CTNNA2: variants seen among roughly 807,000 people sequenced by gnomAD.
CTNNA2 encodes the protein catenin alpha 2.
CTNNA2 carries 42 observed loss-of-function variants against 101.0 expected under a neutral mutation model. That is an observed-to-expected ratio of 0.42 (90% CI 0.32 to 0.54). The LOEUF is 0.54. Ranked by LOEUF, CTNNA2 falls within the 20% of genes least tolerant of loss-of-function variation. CTNNA2 has a pLI of 0.14. For missense variants in CTNNA2, 871 were observed against 1,223.1 expected, an observed-to-expected ratio of 0.71 and a Z score of 4.29; for synonymous variants, 450 against 456.4, an observed-to-expected ratio of 0.99 and a Z score of 0.18.
intron 7 of CTNNA2, among the ~76,000 whole-genome samples, chr2:80,228,859 C>T (rs565401447): frequency 6.6e-6 from 1 of 152,300 alleles, no homozygotes; most frequent in African/African-American, 2.4e-5. Context: ...TATATTACTT[C>T]ACTCTTCTTC....
intron 2 of CTNNA2, among the ~76,000 whole-genome samples, chr2:79,268,000 G>A (rs535094398): frequency 7.2e-5 from 11 of 152,082 alleles, no homozygotes; most frequent in Admixed American, 1.3e-4. Context: ...CTCACTGACC[G>A]GGTTCCTCAG....
chr2:80,277,920 C>T (rs968940227), intron 7 of CTNNA2, among the ~76,000 whole-genome samples: 1 of 151,988 alleles, frequency 6.6e-6, no homozygotes, highest in East Asian at 1.9e-4. Context: ...GTCTACTTTC[C>T]CCGGGTTAAG....
chr2:79,408,316 T>G (rs28613616), intron 4 of CTNNA2, among the ~76,000 whole-genome samples: 1 of 135,428 alleles, frequency 7.4e-6, no homozygotes, highest in South Asian at 2.4e-4. Flanking sequence ...TTATTATTAT[T>G]ATAATACTTT....
At chr2:79,301,288 T>A (rs2104390496) in intron 2 of CTNNA2, among the ~76,000 whole-genome samples, 1 of 152,288 alleles carries the variant, frequency 6.6e-6, no homozygotes, top group Non-Finnish European at 1.5e-5. Flanking sequence ...CCATTAAATT[T>A]GCCACCCCTG....
At chr2:80,579,294 T>G (rs2149713629) in intron 13 of CTNNA2, 1 of 152,344 alleles carries the variant, frequency 6.6e-6, no homozygotes, top group Middle Eastern at 3.4e-3. Flanking sequence ...ACTCATCTAC[T>G]GAATGCACAG....
In CTNNA2 at chr2:79,235,433, G is replaced by T. The variant is rs75926158; in HGVS notation, c.-406+37357G>T. On this transcript the variant is annotated intron_variant, in intron 2 of 21. Transcript: ENST00000466387. ...TAGTGCTCTGTGGTGGGTGGGGAGA[G>T]AGATGGCCCCCTCACCTGGTCTGCT... 3.4e-3 allele frequency among the ~76,000 whole-genome samples: 521 copies of T among 152,056 alleles called. 12 individuals carry two copies. In the East Asian group the frequency reaches 0.062, roughly 18 times the overall value.
At chr2:79,409,215 G>C (rs1401719232) in intron 4 of CTNNA2, among the ~76,000 whole-genome samples, 1 of 152,112 alleles carries the variant, frequency 6.6e-6, no homozygotes, top group Non-Finnish European at 1.5e-5. Context: ...TGTCAGATGA[G>C]TAGATTGCGA....
chr2:80,298,328 T>C (rs934875946), intron 7 of CTNNA2: 1 of 152,186 alleles, frequency 6.6e-6, no homozygotes, highest in Admixed American at 6.5e-5. Flanking sequence ...TTTATGTTTA[T>C]TTTGACTACC....
At chr2:79,411,569 G>A (rs1159638155) in intron 4 of CTNNA2, among the ~76,000 whole-genome samples, 1 of 152,072 alleles carries the variant, frequency 6.6e-6, no homozygotes, top group Non-Finnish European at 1.5e-5. Flanking sequence ...CTACAAACCA[G>A]AAGAGAGTGG....
intron 1 of CTNNA2, among the ~76,000 whole-genome samples, chr2:79,197,025 T>C (rs757262326): frequency 7.2e-5 from 11 of 152,234 alleles, no homozygotes; most frequent in African/African-American, 9.6e-5. Flanking sequence ...TGGATCTGTT[T>C]TTCTCATTCC....
At chr2:80,197,465 A>G (rs534180504) in intron 7 of CTNNA2, among the ~76,000 whole-genome samples, 4 of 152,342 alleles carry the variant, frequency 2.6e-5, no homozygotes, top group Non-Finnish European at 5.9e-5. Flanking sequence ...TCTCAATATA[A>G]GGCAGATGTT....
intron 2 of CTNNA2, among the ~76,000 whole-genome samples, chr2:79,736,489 C>G (rs1447995273): frequency 2.0e-5 from 3 of 152,170 alleles, no homozygotes; most frequent in African/African-American, 7.2e-5. Flanking sequence ...AAATATATTA[C>G]TAGTTGAAGA....
intron 11 of CTNNA2, among the ~76,000 whole-genome samples, chr2:80,551,359 GTA>G (rs1384690074): frequency 6.6e-6 from 1 of 152,192 alleles, no homozygotes; most frequent in East Asian, 1.9e-4. Context: ...AAAATCAACT[GTA>G]TTAGCCACTA....
At chr2:79,578,629 C>T (rs1169574345) in intron 1 of CTNNA2, among the ~76,000 whole-genome samples, 2 of 152,018 alleles carry the variant, frequency 1.3e-5, no homozygotes, top group Non-Finnish European at 2.9e-5. Context: ...CATTTGAAGA[C>T]TATTTTCTCC....
At chr2:80,035,912 G>A (rs182857078) in intron 7 of CTNNA2, among the ~76,000 whole-genome samples, 3 of 152,266 alleles carry the variant, frequency 2.0e-5, no homozygotes, top group Admixed American at 2.0e-4. Flanking sequence ...AACTGTGTGG[G>A]CCAATTCAAT....
intron 4 of CTNNA2, among the ~76,000 whole-genome samples, chr2:79,460,180 C>G (rs1274444096): frequency 6.6e-6 from 1 of 151,966 alleles, no homozygotes; most frequent in Non-Finnish European, 1.5e-5. Flanking sequence ...TATATTTATT[C>G]TTTTTTACAT....
Position 79,481,029 on chromosome 2 carries a change from T to C in CTNNA2, c.-134-24025T>C, listed in dbSNP as rs1215829223. ...GGCCCAAGGAAGAGTAGCTATTATC[T>C]TTTATTTCAATGGAAATAATAAAAT... On this transcript the variant is annotated intron_variant, in intron 4 of 21. Coordinates refer to the CTNNA2 transcript ENST00000466387. Among the ~76,000 whole-genome samples the C allele has an allele frequency of 5.9e-5, 9 of 152,236 alleles. No homozygotes were observed. In the East Asian group the frequency reaches 1.7e-3, roughly 29 times the overall value.
intron 2 of CTNNA2, among the ~76,000 whole-genome samples, chr2:79,298,269 C>A (rs1201468478): frequency 6.6e-6 from 1 of 152,072 alleles, no homozygotes; most frequent in African/African-American, 2.4e-5. Flanking sequence ...AGATGCCAGG[C>A]TCCTTTTAAC....
intron 2 of CTNNA2, among the ~76,000 whole-genome samples, chr2:79,280,602 G>A (rs2104331617): frequency 6.8e-6 from 1 of 146,728 alleles, no homozygotes; most frequent in Non-Finnish European, 1.5e-5. Context: ...GCTTTTAGTT[G>A]CCCAGCATTC....
Sources: gnomAD v4.1 joint callset for allele counts (sites outside exome capture counted in the v4.1 genomes callset) on GRCh38, gnomAD v4.1.1 for gene constraint, MANE v1.5 for transcripts, NCBI Gene and HGNC (gene_info 2026-07-23, HGNC 2026-07-21) for gene names.